The following COL5A2 variants were observed in gnomAD, a reference collection of about 807,000 sequenced individuals.
COL5A2 encodes the protein collagen alpha-2(V) chain.
In COL5A2, 23 loss-of-function variants were observed where a neutral mutation model predicts 208.2. The ratio of observed to expected loss-of-function variants is 0.11; its 90% confidence interval spans 0.08 to 0.16. The LOEUF is 0.16. COL5A2 is among the 10% of genes least tolerant of loss of function. The pLI, the probability that COL5A2 is intolerant of heterozygous loss-of-function variation, is 1.00. For missense variants in COL5A2, 1,590 were observed against 1,956.4 expected, an observed-to-expected ratio of 0.81 and a Z score of 3.53; for synonymous variants, 625 against 628.5, an observed-to-expected ratio of 0.99 and a Z score of 0.08.
At chr2:189,067,000 A>G (rs945962762) in intron 21 of COL5A2, among the ~76,000 whole-genome samples, 2 of 152,212 alleles carry the variant, frequency 1.3e-5, no homozygotes, top group African/African-American at 2.4e-5. Context: ...TTTAATTTAT[A>G]GTGGTCTTTA....
At chr2:189,308,209 C>A in the COL5A2 span, among the ~76,000 whole-genome samples, 1 of 139,252 alleles carries the variant, frequency 7.2e-6, no homozygotes, top group African/African-American at 2.6e-5. Flanking sequence ...GCCCTCCCCC[C>A]TCCCTCTCAG....
At chr2:189,106,217 T>C (rs1456889069) in intron 2 of COL5A2, among the ~76,000 whole-genome samples, 2 of 151,536 alleles carry the variant, frequency 1.3e-5, no homozygotes, top group Non-Finnish European at 1.5e-5. Context: ...AGAATTTATG[T>C]GAGTGTAATG....
At chr2:189,043,604 ATAT>A (rs1685604884) in intron 47 of COL5A2, among the ~76,000 whole-genome samples, 1 of 152,132 alleles carries the variant, frequency 6.6e-6, no homozygotes, top group Non-Finnish European at 1.5e-5. Flanking sequence ...TATTTAGTTG[ATAT>A]TATTATATAA....
intron 11 of COL5A2, 49 bp from the exon 12 acceptor site, chr2:189,084,086 G>T (rs1291362439): frequency 7.9e-7 from 1 of 1,272,868 alleles, no homozygotes; most frequent in Non-Finnish European, 1.1e-6. Context: ...GTGATTAAAA[G>T]GTTCTTCTCT....
In COL5A2 at chr2:189,078,540, C is replaced by T. The variant is rs148786600; in HGVS notation, c.1035G>A (p.Gly345=). Residue 345 remains glycine, a synonymous_variant, in exon 16 of 54, where the codon GGG becomes GGA. Coordinates refer to ENST00000374866, the MANE Select transcript of COL5A2 (RefSeq NM_000393.5). Reference sequence around the variant, plus strand: ...CAGGAGCACCCTGTGGCCCAAGTCTCCCTCTCTCTCCTGGCATTCCCCTCG... The same window carrying T: ...CAGGAGCACCCTGTGGCCCAAGTCTTCCTCTCTCTCCTGGCATTCCCCTCG... ...LGPRGMPGER[G]RLGPQGAPGQ... 5.0e-6 allele frequency: 8 copies of T among 1,612,490 alleles called. No individual in the cohort carries two copies. The highest frequency in any genetic ancestry group is 6.8e-6 in the Non-Finnish European group (8 of 1,178,686).
At chr2:189,131,729 C>G (rs2105754689) in intron 1 of COL5A2, among the ~76,000 whole-genome samples, 1 of 152,268 alleles carries the variant, frequency 6.6e-6, no homozygotes, top group African/African-American at 2.4e-5. Flanking sequence ...CATTAAAAAA[C>G]TGAATTGTTG....
chr2:189,345,788 T>C, the COL5A2 span, among the ~76,000 whole-genome samples: 1 of 152,102 alleles, frequency 6.6e-6, no homozygotes, highest in Non-Finnish European at 1.5e-5. Flanking sequence ...AATAAGATAG[T>C]TAATGTAGCC....
chr2:189,299,326 G>A, the COL5A2 span, among the ~76,000 whole-genome samples: 65 of 152,128 alleles, frequency 4.3e-4, no homozygotes, highest in African/African-American at 1.5e-3. Flanking sequence ...TCCTGATTGC[G>A]TTAACGCTAT....
chr2:189,134,286 A>C (rs1014905844), intron 1 of COL5A2, among the ~76,000 whole-genome samples: 1 of 152,102 alleles, frequency 6.6e-6, no homozygotes, highest in Admixed American at 6.6e-5. Flanking sequence ...GCTAGACTCT[A>C]TTTTTAAAGT....
chr2:189,100,583 T>C (rs1269206920), intron 3 of COL5A2, among the ~76,000 whole-genome samples: 2 of 151,986 alleles, frequency 1.3e-5, no homozygotes, highest in Non-Finnish European at 2.9e-5. Flanking sequence ...ACACATAGTT[T>C]TCAGGATCTA....
chr2:189,100,169 A>G, intron 3 of COL5A2, 30 bp from the exon 4 acceptor site: 1 of 1,586,870 alleles, frequency 6.3e-7, no homozygotes, highest in Non-Finnish European at 8.7e-7. Context: ...TCAAAAATTC[A>G]ATTAGCACAA....
At chr2:189,233,186 C>T in the COL5A2 span, among the ~76,000 whole-genome samples, 1 of 151,670 alleles carries the variant, frequency 6.6e-6, no homozygotes, top group South Asian at 2.1e-4. Flanking sequence ...GGGTACAAAT[C>T]ATTGTTTTCC....
the COL5A2 span, among the ~76,000 whole-genome samples, chr2:189,438,861 T>C: frequency 6.6e-6 from 1 of 152,206 alleles, no homozygotes; most frequent in Non-Finnish European, 1.5e-5. Flanking sequence ...GTCTTCAATT[T>C]CAGAGTAAAA....
At chr2:189,048,696 T>A (rs150757954) in intron 44 of COL5A2, among the ~76,000 whole-genome samples, 1 of 152,220 alleles carries the variant, frequency 6.6e-6, no homozygotes, top group East Asian at 1.9e-4. Context: ...TATTTTATTG[T>A]GATTTTTTTC....
At chr2:189,319,085 C>T in the COL5A2 span, among the ~76,000 whole-genome samples, 25 of 152,152 alleles carry the variant, frequency 1.6e-4, no homozygotes, top group Middle Eastern at 3.4e-3. Context: ...AATAACCTTG[C>T]CTGTTACTGA....
chr2:189,273,329 G>C, the COL5A2 span, among the ~76,000 whole-genome samples: 1 of 151,720 alleles, frequency 6.6e-6, no homozygotes, highest in Admixed American at 6.6e-5. Flanking sequence ...TATTAGAATA[G>C]GTATTATCAA....
rs552881433 is a variant in COL5A2 at position 189,172,737 on chromosome 2, T to C, written c.97+6771A>G. On this transcript the variant is annotated intron_variant, in intron 1 of 53. Transcript: ENST00000374866. ...TTGCAAGTAGTGTTTCCACCAATAATATAGTTTGCTGTCATCTTAAAGCTG... is the reference window on the plus strand; with the variant it reads ...TTGCAAGTAGTGTTTCCACCAATAACATAGTTTGCTGTCATCTTAAAGCTG... Among the ~76,000 whole-genome samples, 4 of 152,210 alleles carry C rather than the reference T, an allele frequency of 2.6e-5. No individual in the cohort carries two copies. In the East Asian group the frequency reaches 7.8e-4, roughly 29 times the overall value.
At chr2:189,122,546 G>T (rs555800548) in intron 1 of COL5A2, among the ~76,000 whole-genome samples, 2 of 152,246 alleles carry the variant, frequency 1.3e-5, no homozygotes, top group East Asian at 3.9e-4. Context: ...CATGGAATTT[G>T]GTCATTCTCT....
chr2:189,169,330 T>C (rs1688527809), intron 1 of COL5A2, among the ~76,000 whole-genome samples: 1 of 152,118 alleles, frequency 6.6e-6, no homozygotes, highest in Admixed American at 6.5e-5. Flanking sequence ...AGTAAATGTA[T>C]GTGGGGCTGC....
Sources: gnomAD v4.1 joint callset for allele counts (sites outside exome capture counted in the v4.1 genomes callset) on GRCh38, gnomAD v4.1.1 for gene constraint, MANE v1.5 for transcripts, NCBI Gene and HGNC (gene_info 2026-07-23, HGNC 2026-07-21) for gene names.